The following AFF2 variants were observed in gnomAD, a reference collection of about 807,000 sequenced individuals.
AFF2 encodes the protein ALF transcription elongation factor 2, also known as AF4/FMR2 family member 2.
In AFF2, 14 loss-of-function variants were observed where a neutral mutation model predicts 76.9. The observed-to-expected ratio is 0.18, with a 90% CI of 0.12 to 0.28. The LOEUF (loss-of-function observed/expected upper bound fraction) is 0.28, where lower values mean the gene tolerates loss of function less well. AFF2 is among the 10% of genes least tolerant of loss of function. AFF2 has a pLI of 1.00. For synonymous variants in AFF2, 398 were observed against 366.7 expected, an observed-to-expected ratio of 1.09 and a Z score of -0.98; for missense variants, 868 against 1,001.1, an observed-to-expected ratio of 0.87 and a Z score of 1.79.
chrX:148,524,762 T>C (rs782757948), intron 1 of AFF2, among the ~76,000 whole-genome samples: 4 of 112,132 alleles, frequency 3.6e-5, no homozygotes, highest in Non-Finnish European at 7.5e-5. Flanking sequence ...TGCCTCATCT[T>C]CCAGAGAGCA....
At chrX:148,694,240 G>A (rs782467737) in intron 3 of AFF2, among the ~76,000 whole-genome samples, 8 of 109,439 alleles carry the variant, frequency 7.3e-5, no homozygotes, top group East Asian at 2.9e-4. Context: ...TGGGTGCAGC[G>A]CACCAGCATG....
At chrX:148,956,787 C>T (rs2072047014) in intron 11 of AFF2, among the ~76,000 whole-genome samples, 174 bp downstream of exon 11, 1 of 112,584 alleles carries the variant, frequency 8.9e-6, no homozygotes, top group African/African-American at 3.2e-5. Context: ...AGAGGAAAAA[C>T]TAGAAATGAT....
intron 1 of AFF2, among the ~76,000 whole-genome samples, chrX:148,613,086 G>A (rs1316523086): frequency 9.0e-6 from 1 of 111,723 alleles, no homozygotes; most frequent in Admixed American, 9.5e-5. Context: ...ATTATGGCCT[G>A]CTTCCATTTT....
intron 8 of AFF2, among the ~76,000 whole-genome samples, chrX:148,888,178 C>T (rs1004019687): frequency 6.3e-5 from 7 of 111,346 alleles, no homozygotes; most frequent in African/African-American, 2.0e-4. Context: ...TTAAACAGTT[C>T]CTCCCCATTT....
intron 1 of AFF2, among the ~76,000 whole-genome samples, chrX:148,577,735 C>T (rs2053307085): frequency 8.9e-6 from 1 of 111,956 alleles, no homozygotes; most frequent in African/African-American, 3.2e-5. Flanking sequence ...GGGGATCTTC[C>T]TCGGAGCTCC....
chrX:148,964,816 C>CA (rs1429047761), intron 13 of AFF2, among the ~76,000 whole-genome samples: 2 of 112,034 alleles, frequency 1.8e-5, no homozygotes, highest in African/African-American at 6.5e-5. Flanking sequence ...ATGAAAATTT[C>CA]AAAATGCAAT....
chrX:148,919,557 AATTT>A (rs1451735958), intron 9 of AFF2, among the ~76,000 whole-genome samples: 5 of 109,974 alleles, frequency 4.5e-5, no homozygotes, highest in Non-Finnish European at 9.5e-5. Flanking sequence ...ATAAATATAT[AATTT>A]ATTTATTTCA....
At chrX:148,786,022 A>G (rs1436463645) in intron 3 of AFF2, among the ~76,000 whole-genome samples, 2 of 111,931 alleles carry the variant, frequency 1.8e-5, no homozygotes, top group African/African-American at 6.5e-5. Flanking sequence ...CTCACATCAC[A>G]GGATCGTTGT....
chrX:148,691,251 G>T (rs1256686099), intron 3 of AFF2, among the ~76,000 whole-genome samples: 3 of 112,175 alleles, frequency 2.7e-5, no homozygotes, highest in Non-Finnish European at 3.8e-5. Flanking sequence ...GGTAGTGTGG[G>T]TTGTTAATTC....
At chrX:148,707,699 T>A (rs2054903841) in intron 3 of AFF2, among the ~76,000 whole-genome samples, 1 of 111,053 alleles carries the variant, frequency 9.0e-6, no homozygotes, top group Non-Finnish European at 1.9e-5. Context: ...TGGCTTGAGG[T>A]CATAGAATAA....
intron 1 of AFF2, among the ~76,000 whole-genome samples, chrX:148,564,184 T>C (rs1473284382): frequency 8.9e-6 from 1 of 111,868 alleles, no homozygotes; most frequent in East Asian, 2.8e-4. Flanking sequence ...TCTGGTAGTA[T>C]CTTAGTATTT....
chrX:148,950,291 G>C (rs956669888), intron 9 of AFF2, among the ~76,000 whole-genome samples: 24 of 112,273 alleles, frequency 2.1e-4, no homozygotes, highest in African/African-American at 7.8e-4. Flanking sequence ...ACATTCCTTA[G>C]CAGACTGGCT....
At chrX:148,895,597 G>A (rs1322954039) in intron 8 of AFF2, among the ~76,000 whole-genome samples, 2 of 101,980 alleles carry the variant, frequency 2.0e-5, no homozygotes, top group African/African-American at 7.1e-5. Flanking sequence ...GTGTGTGTGT[G>A]TAAGAGAGGG....
rs139558365 is a variant in AFF2, at chrX:148,757,630, G to A, written c.1042-52246G>A. ...TTAAAAAGTGTTTTGGATCAGCAAGGACTATTTTATAAAGAAAGTGAGGAG... is the reference window on the plus strand; with the variant it reads ...TTAAAAAGTGTTTTGGATCAGCAAGAACTATTTTATAAAGAAAGTGAGGAG... On this transcript the variant is annotated intron_variant, in intron 3 of 20. Coordinates refer to ENST00000370460, the MANE Select transcript of AFF2 (RefSeq NM_002025.4). Among the ~76,000 whole-genome samples the A allele has an allele frequency of 6.8e-3, 752 of 111,222 alleles. 7 individuals are homozygous for A. The highest frequency in any genetic ancestry group is 0.023 in the African/African-American group (707 of 30,671).
At chrX:148,858,606 T>A (rs1325900709) in intron 7 of AFF2, among the ~76,000 whole-genome samples, 10 of 111,458 alleles carry the variant, frequency 9.0e-5, no homozygotes, top group African/African-American at 3.2e-4. Context: ...TTTTTTCTAA[T>A]TAATACACAA....
chrX:148,765,954 G>A lies in AFF2; in HGVS notation c.1042-43922G>A, dbSNP rs782009558. Reference sequence around the variant, plus strand: ...CCACCTATGAGTGAGAAGATGTGGTGTTTGGTTTTTTGTTCTTGAGATAGT... The same window carrying A: ...CCACCTATGAGTGAGAAGATGTGGTATTTGGTTTTTTGTTCTTGAGATAGT... On this transcript the variant is annotated intron_variant, in intron 3 of 20. Transcript: ENST00000370460. 2.9e-5 allele frequency among the ~76,000 whole-genome samples: 3 copies of A among 103,995 alleles called. No individual in the cohort carries two copies. In the South Asian group the frequency reaches 1.4e-3, roughly 47 times the overall value. The allele number at this position is 103,995 out of a possible 115,157, so 90.3% of individuals were successfully genotyped here.
At chrX:148,659,286 A>G (rs1353650877) in intron 2 of AFF2, among the ~76,000 whole-genome samples, 1 of 112,482 alleles carries the variant, frequency 8.9e-6, no homozygotes, top group African/African-American at 3.2e-5. Context: ...GGTTCTCCCT[A>G]CTGAGGACAA....
At chrX:148,661,154 T>G (rs1038420949) in intron 2 of AFF2, among the ~76,000 whole-genome samples, 7 of 112,574 alleles carry the variant, frequency 6.2e-5, no homozygotes, top group African/African-American at 2.3e-4. Flanking sequence ...AAACAACAGT[T>G]TAAATACTTG....
Position 148,721,195 on chromosome X carries a change from G to A in AFF2, c.1041+58427G>A, listed in dbSNP as rs368266857. Among the ~76,000 whole-genome samples, 38 of 112,134 alleles carry A rather than the reference G, an allele frequency of 3.4e-4. No individual in the cohort carries two copies. In the East Asian group the frequency reaches 4.8e-3, roughly 14 times the overall value. ...TTCCAAAATGCAAAGGAAAATATAT[G>A]CACAGAAAGAAACATGACACTGAAC... is the stretch of plus-strand genomic sequence containing the variant. On this transcript the variant is annotated intron_variant, in intron 3 of 20. Transcript: ENST00000370460.
Sources: gnomAD v4.1 joint callset for allele counts (sites outside exome capture counted in the v4.1 genomes callset) on GRCh38, gnomAD v4.1.1 for gene constraint, MANE v1.5 for transcripts, NCBI Gene and HGNC (gene_info 2026-07-23, HGNC 2026-07-21) for gene names.